The following LAMA2 variants were observed in gnomAD, a reference collection of about 807,000 sequenced individuals.
LAMA2 encodes the protein laminin subunit alpha 2.
In LAMA2, 269 loss-of-function variants were observed where a neutral mutation model predicts 364.8. That is an observed-to-expected ratio of 0.74 (90% CI 0.67 to 0.82). The LOEUF (loss-of-function observed/expected upper bound fraction) is 0.82. Among genes scored for constraint, LAMA2 ranks in the 40% least tolerant of loss-of-function variants. The pLI is 0.00. For missense variants in LAMA2, 3,807 were observed against 3,873.2 expected (o/e 0.98, Z 0.45); for synonymous variants, 1,379 against 1,370.6 (o/e 1.01, Z -0.14).
At chr6:129,082,782 A>G (rs1774145277) in intron 3 of LAMA2, among the ~76,000 whole-genome samples, 1 of 152,234 alleles carries the variant, frequency 6.6e-6, no homozygotes, top group African/African-American at 2.4e-5. Context: ...AGTACGTTTC[A>G]TCAAACAGCT....
chr6:129,064,363 CAAAA>C (rs61014931), intron 3 of LAMA2, among the ~76,000 whole-genome samples: 1 of 117,518 alleles, frequency 8.5e-6, no homozygotes, highest in Non-Finnish European at 1.8e-5. Flanking sequence ...TTCAAGAAAG[CAAAA>C]AAAAAAAAAA....
chr6:129,479,537 CA>C (rs1784250266), intron 54 of LAMA2: 1 of 152,146 alleles, frequency 6.6e-6, no homozygotes, highest in Admixed American at 6.6e-5. Flanking sequence ...AGTCAATAGT[CA>C]ACAGCAAATA....
chr6:129,182,982 A>T (rs1781018889), intron 10 of LAMA2, among the ~76,000 whole-genome samples: 1 of 151,984 alleles, frequency 6.6e-6, no homozygotes, highest in East Asian at 1.9e-4. Flanking sequence ...GAAATTTTTA[A>T]TACAATGTCA....
chr6:129,478,557 T>A, intron 53 of LAMA2, 136 bp from the exon 54 acceptor site: 1 of 856,446 alleles, frequency 1.2e-6, no homozygotes. Context: ...CAGAGTTTGC[T>A]GGGTACACGT....
chr6:129,177,871 A>G lies in LAMA2; in HGVS notation c.1467+5A>G, dbSNP rs1294986972. 1 of 1,613,436 alleles carries G rather than the reference A, an allele frequency of 6.2e-7. No individual in the cohort carries two copies. Among genetic ancestry groups the G allele is most frequent in the Non-Finnish European group, 8.5e-7 (1 of 1,179,498 alleles). ...TTTGGCCCCTGTATCTGCAAGGTAC[A>G]TTGTTTATTCCAGTAATGTCCCACT... On this transcript the variant is annotated splice_donor_5th_base_variant and intron_variant, in intron 10 of 64. Coordinates refer to ENST00000421865, the MANE Select transcript of LAMA2 (RefSeq NM_000426.4).
intron 16 of LAMA2, 88 bp downstream of exon 16, chr6:129,267,307 T>G: frequency 1.1e-6 from 1 of 893,360 alleles, no homozygotes; most frequent in Non-Finnish European, 1.9e-6. Context: ...CCTGGGGACC[T>G]TAAACACTTG....
At chr6:129,321,035 C>T (rs1389987642) in intron 28 of LAMA2, among the ~76,000 whole-genome samples, 1 of 152,118 alleles carries the variant, frequency 6.6e-6, no homozygotes, top group Admixed American at 6.5e-5. Flanking sequence ...TAGAACACGA[C>T]AAAACTTGTA....
At chr6:129,235,770 C>T (rs553464572) in intron 12 of LAMA2, among the ~76,000 whole-genome samples, 1 of 152,234 alleles carries the variant, frequency 6.6e-6, no homozygotes, top group East Asian at 1.9e-4. Context: ...TATTTGGAAA[C>T]TTTGGCCATT....
intron 9 of LAMA2, among the ~76,000 whole-genome samples, chr6:129,174,281 G>T (rs369978524): frequency 6.6e-6 from 1 of 151,570 alleles, no homozygotes; most frequent in African/African-American, 2.4e-5. Context: ...ATTTCATAAG[G>T]AAATTTTCAA....
intron 40 of LAMA2, among the ~76,000 whole-genome samples, chr6:129,409,758 T>C (rs1263817349): frequency 1.3e-5 from 2 of 152,176 alleles, no homozygotes; most frequent in South Asian, 2.1e-4. Context: ...TCAAGGACTA[T>C]TGGATCTGCT....
chr6:129,441,321 T>C (rs1782105004), intron 43 of LAMA2, among the ~76,000 whole-genome samples: 1 of 152,166 alleles, frequency 6.6e-6, no homozygotes, highest in Admixed American at 6.5e-5. Flanking sequence ...CAGTTGTACT[T>C]GGGTAATTAT....
chr6:129,050,230 C>A (rs564581936), intron 2 of LAMA2, 142 bp downstream of exon 2: 15 of 796,978 alleles, frequency 1.9e-5, no homozygotes, highest in African/African-American at 6.8e-5. Flanking sequence ...TTCTTCCTGG[C>A]CCCTCTCTGT....
At chr6:129,453,328 A>G (rs1323218419) in intron 46 of LAMA2, among the ~76,000 whole-genome samples, 197 bp downstream of exon 46, 2 of 152,172 alleles carry the variant, frequency 1.3e-5, no homozygotes, top group Admixed American at 6.5e-5. Context: ...AAAGGAAGAA[A>G]ACTACAGTGT....
intron 15 of LAMA2, 63 bp from the exon 16 acceptor site, chr6:129,267,043 A>G: frequency 1.9e-6 from 2 of 1,047,548 alleles, no homozygotes; most frequent in East Asian, 2.4e-5. Flanking sequence ...ACAAACACAA[A>G]CAAACAAAAA....
chr6:129,453,122 T>A lies in LAMA2; in HGVS notation c.6564T>A (p.Ser2188Arg). Reference protein sequence around the residue: ...VADNLLFYLGSAKFIDFLAIE... With the variant: ...VADNLLFYLGRAKFIDFLAIE... ...ATAACCTCCTCTTTTATCTTGGAAGTGCCAAATTTGTAAGTCTAATATTCA... is the reference window on the plus strand; with the variant it reads ...ATAACCTCCTCTTTTATCTTGGAAGAGCCAAATTTGTAAGTCTAATATTCA... Residue 2188 changes from serine to arginine, a missense_variant, in exon 46 of 65, where the codon AGT becomes AGA. Transcript: ENST00000421865. 1 of 1,612,658 alleles carries A rather than the reference T, an allele frequency of 6.2e-7. No individual in the cohort carries two copies. Among genetic ancestry groups the A allele is most frequent in the South Asian group, 1.1e-5 (1 of 91,062 alleles).
chr6:129,190,421 G>A, intron 11 of LAMA2, 76 bp downstream of exon 11: 5 of 1,451,000 alleles, frequency 3.4e-6, no homozygotes, highest in Non-Finnish European at 4.8e-6. Context: ...TCTTTTGTAT[G>A]AACAGTTTCT....
chr6:129,135,162 A>G (rs963200097), intron 4 of LAMA2, among the ~76,000 whole-genome samples: 1 of 152,216 alleles, frequency 6.6e-6, no homozygotes, highest in Non-Finnish European at 1.5e-5. Flanking sequence ...AGTAAAGACT[A>G]TTCCAGAAGA....
At chr6:128,904,238 T>C (rs1777273820) in intron 1 of LAMA2, among the ~76,000 whole-genome samples, 3 of 152,142 alleles carry the variant, frequency 2.0e-5, no homozygotes, top group Admixed American at 6.5e-5. Flanking sequence ...TTATACCACC[T>C]ACAGTCTTAC....
At chr6:129,052,277 A>G (rs1332628954) in intron 2 of LAMA2, among the ~76,000 whole-genome samples, 1 of 149,750 alleles carries the variant, frequency 6.7e-6, no homozygotes, top group East Asian at 2.0e-4. Flanking sequence ...CTGGGACTGC[A>G]GGCGCACGTT....
Sources: allele counts gnomAD v4.1 joint callset (sites outside exome capture counted in the v4.1 genomes callset), GRCh38; gene constraint gnomAD v4.1.1; transcripts MANE v1.5; gene names NCBI Gene and HGNC (gene_info 2026-07-23, HGNC 2026-07-21).